Variants in EYA2 observed in about 807,000 individuals in gnomAD.
EYA2 encodes protein phosphatase EYA2.
Under a neutral mutation model 69.2 loss-of-function variants are expected in EYA2, and 31 were observed. The ratio of observed to expected loss-of-function variants is 0.45; its 90% CI spans 0.34 to 0.60. The LOEUF (loss-of-function observed/expected upper bound fraction) is 0.60, where lower values mean the gene tolerates loss of function less well. Ranked by LOEUF, EYA2 falls within the 20% of genes least tolerant of loss-of-function variation. The pLI is 0.02. For synonymous variants in EYA2, 257 were observed against 279.4 expected (o/e 0.92, Z 0.80); for missense variants, 622 against 701.2 (o/e 0.89, Z 1.28).
intron 5 of EYA2, among the ~76,000 whole-genome samples, chr20:47,046,142 T>C (rs1283598078): frequency 6.6e-6 from 1 of 152,226 alleles, no homozygotes; most frequent in Non-Finnish European, 1.5e-5. Flanking sequence ...GACCACTAAC[T>C]ATCTTTTTGT....
intron 1 of EYA2, among the ~76,000 whole-genome samples, chr20:46,912,075 A>G (rs1984670888): frequency 6.6e-6 from 1 of 152,222 alleles, no homozygotes; most frequent in Admixed American, 6.5e-5. Flanking sequence ...TTATGTATCA[A>G]TAAATAATCT....
intron 1 of EYA2, among the ~76,000 whole-genome samples, chr20:46,975,478 T>G (rs1159811980): frequency 6.6e-6 from 1 of 152,208 alleles, no homozygotes; most frequent in Non-Finnish European, 1.5e-5. Context: ...AGGACCAGCC[T>G]GGGCAACACA....
rs79659847 is a variant in EYA2, at chr20:47,146,901, C to A, written c.978+3753C>A. The stretch of plus-strand genomic sequence containing the variant: ...CCGTGCCCACAAGGCATTGACCTTC[C>A]AGTTCAGGAGGCTGACCATAAACAA... On this transcript the variant is annotated intron_variant, in intron 10 of 15. Transcript: ENST00000327619. 5.3e-3 allele frequency among the ~76,000 whole-genome samples: 806 copies of A among 152,324 alleles called. 25 individuals carry two copies. The East Asian group carries it at 0.083, about 16-fold the overall frequency.
At chr20:47,048,703 T>C (rs1572865) in intron 5 of EYA2, among the ~76,000 whole-genome samples, 25,618 of 152,170 alleles carry the variant, frequency 0.17, 2,379 homozygotes, top group African/African-American at 0.24. Context: ...CGCCATTGCA[T>C]GCCAGTCTGG....
At chr20:46,895,496 A>G (rs1186408981) in intron 1 of EYA2, among the ~76,000 whole-genome samples, 1 of 152,148 alleles carries the variant, frequency 6.6e-6, no homozygotes, top group Non-Finnish European at 1.5e-5. Flanking sequence ...AGCTATTGAT[A>G]TATTTCTTTT....
At chr20:46,938,905 C>T (rs1352239372) in intron 1 of EYA2, among the ~76,000 whole-genome samples, 1 of 152,148 alleles carries the variant, frequency 6.6e-6, no homozygotes, top group Non-Finnish European at 1.5e-5. Flanking sequence ...TACAAAACAA[C>T]CGTACTATGA....
At chr20:47,007,751 G>T (rs1982804828) in intron 4 of EYA2, among the ~76,000 whole-genome samples, 1 of 151,962 alleles carries the variant, frequency 6.6e-6, no homozygotes, top group South Asian at 2.1e-4. Context: ...GAGTAGCTGG[G>T]ACTACAGGCA....
chr20:47,122,470 T>C (rs1385466519), intron 9 of EYA2, among the ~76,000 whole-genome samples: 1 of 151,886 alleles, frequency 6.6e-6, no homozygotes, highest in East Asian at 1.9e-4. Context: ...ATTTTTTTTT[T>C]GTATTTTTTA....
At chr20:47,072,548 C>A (rs561915469) in intron 6 of EYA2, among the ~76,000 whole-genome samples, 1 of 152,264 alleles carries the variant, frequency 6.6e-6, no homozygotes, top group African/African-American at 2.4e-5. Flanking sequence ...TGATATATAT[C>A]AATACAAATG....
intron 2 of EYA2, among the ~76,000 whole-genome samples, chr20:46,999,673 C>G (rs1982236985): frequency 6.6e-6 from 1 of 152,186 alleles, no homozygotes; most frequent in South Asian, 2.1e-4. Context: ...AAGACCACCA[C>G]CCCCGCCCCA....
At chr20:46,995,275 A>AACGTTATG (rs1981946876) in intron 2 of EYA2, among the ~76,000 whole-genome samples, 1 of 152,238 alleles carries the variant, frequency 6.6e-6, no homozygotes, top group Admixed American at 6.5e-5. Context: ...CCAGAAATGA[A>AACGTTATG]ACGTTATGAC....
chr20:47,099,042 G>C (rs1393767574), intron 9 of EYA2, among the ~76,000 whole-genome samples: 1 of 152,174 alleles, frequency 6.6e-6, no homozygotes, highest in Non-Finnish European at 1.5e-5. Flanking sequence ...AAGTAGTGGG[G>C]AATTCAGGCA....
chr20:47,097,122 T>C lies in EYA2; in HGVS notation c.842T>C (p.Ile281Thr). Residue 281 changes from isoleucine to threonine, a missense_variant, in exon 9 of 16, where the codon ATT becomes ACT. Ile to Thr is a moderately conservative substitution (Grantham distance 89). Coordinates refer to ENST00000327619, the MANE Select transcript of EYA2 (RefSeq NM_005244.5). ...TGGGACTTGGATGAGACAATAATTA[T>C]TTTTCACTCCTTACTCACGGGGACA... Reference protein sequence around the residue: ...FVWDLDETIIIFHSLLTGTFA... With the variant: ...FVWDLDETIITFHSLLTGTFA... The C allele has an allele frequency of 6.2e-7, 1 of 1,611,776 alleles. No individual in the cohort carries two copies. The highest frequency in any genetic ancestry group is 8.5e-7 in the Non-Finnish European group (1 of 1,179,236).
Position 47,039,835 on chromosome 20 carries a change from C to CTTTTTTTTTTTTTTT in EYA2, c.415+23547_415+23561dup, listed in dbSNP as rs10689930. On this transcript the variant is annotated intron_variant, in intron 5 of 15. Coordinates refer to ENST00000327619, the MANE Select transcript of EYA2 (RefSeq NM_005244.5). ...ATAGGGTCATTGTGAAGATCAAATA[C>CTTTTTTTTTTTTTTT]TTTTTTTTTTTTTTTTTTTTTTTGA... 3.6e-4 allele frequency among the ~76,000 whole-genome samples: 25 copies of CTTTTTTTTTTTTTTT among 69,804 alleles called. 3 individuals are homozygous for CTTTTTTTTTTTTTTT. The highest frequency in any genetic ancestry group is 7.2e-4 in the Admixed American group (3 of 4,190). The allele number at this position is 69,804 out of a possible 152,430, so 45.8% of individuals were successfully genotyped here.
chr20:46,933,407 C>G (rs1468729826), intron 1 of EYA2, among the ~76,000 whole-genome samples: 1 of 152,170 alleles, frequency 6.6e-6, no homozygotes, highest in Non-Finnish European at 1.5e-5. Flanking sequence ...TTCCACAGAT[C>G]TGGCCCATAA....
intron 10 of EYA2, among the ~76,000 whole-genome samples, chr20:47,165,292 A>G (rs1271947799): frequency 6.6e-6 from 1 of 152,182 alleles, no homozygotes; most frequent in Non-Finnish European, 1.5e-5. Flanking sequence ...ACCAAGCATT[A>G]ATCAGAGTCC....
At chr20:47,156,115 CACACACACACACATAT>C (rs2033928431) in intron 10 of EYA2, among the ~76,000 whole-genome samples, 1 of 51,168 alleles carries the variant, frequency 2.0e-5, no homozygotes, top group Admixed American at 2.3e-4. Flanking sequence ...CACACACACA[CACACACACACACATAT>C]ATATATATAT....
At chr20:47,110,850 C>T (rs2032730432) in intron 9 of EYA2, among the ~76,000 whole-genome samples, 1 of 152,264 alleles carries the variant, frequency 6.6e-6, no homozygotes, top group Non-Finnish European at 1.5e-5. Context: ...AAGCAGGGGC[C>T]TGGCAGCCTC....
chr20:47,174,537 G>A (rs966183130), intron 12 of EYA2, among the ~76,000 whole-genome samples: 7 of 152,292 alleles, frequency 4.6e-5, no homozygotes, highest in Admixed American at 1.3e-4. Flanking sequence ...GTCTTCTACT[G>A]TCCCTGGAGC....
Sources: gnomAD v4.1 joint callset for allele counts (sites outside exome capture counted in the v4.1 genomes callset) on GRCh38, gnomAD v4.1.1 for gene constraint, MANE v1.5 for transcripts, NCBI Gene and HGNC (gene_info 2026-07-23, HGNC 2026-07-21) for gene names.